CYP19A1: variants seen among roughly 807,000 people sequenced by gnomAD.
CYP19A1 encodes cytochrome P450 family 19 subfamily A member 1, also known as aromatase.
CYP19A1 carries 32 observed loss-of-function variants against 44.4 expected under a neutral mutation model. That is an observed-to-expected ratio of 0.72 (90% CI 0.54 to 0.97). The LOEUF is 0.97. Among genes scored for constraint, CYP19A1 ranks in the 50% least tolerant of loss-of-function variants. The pLI, the probability that CYP19A1 is intolerant of heterozygous loss-of-function variation, is 0.00. For missense variants in CYP19A1, 598 were observed against 637.8 expected (o/e 0.94, Z 0.67); for synonymous variants, 212 against 215.6 (o/e 0.98, Z 0.14).
intron 1 of CYP19A1, among the ~76,000 whole-genome samples, chr15:51,252,211 A>G (rs1345137205): frequency 6.6e-6 from 1 of 152,114 alleles, no homozygotes; most frequent in Non-Finnish European, 1.5e-5. Context: ...GACCCATTCT[A>G]AGGATCCAGT....
intron 1 of CYP19A1, among the ~76,000 whole-genome samples, chr15:51,302,951 C>T (rs1055195589): frequency 1.3e-5 from 2 of 152,200 alleles, no homozygotes; most frequent in Non-Finnish European, 2.9e-5. Flanking sequence ...GCAGGCATGG[C>T]TTGGGGAGGA....
At position 51,210,648 on chromosome 15, in the gene CYP19A1, A is replaced by C. The variant is rs1254026121; in HGVS notation, c.*160T>G. ...CTGGTGTGAACAGGAGCAGATGACA[A>C]ATAGCACCTAGCTTGGTGACAACCC... On this transcript the variant is annotated 3_prime_UTR_variant, in exon 10 of 10. Coordinates refer to ENST00000396402, the MANE Select transcript of CYP19A1 (RefSeq NM_000103.4). 1 of 756,156 alleles carries C rather than the reference A, an allele frequency of 1.3e-6. No individual in the cohort carries two copies. The highest frequency in any genetic ancestry group is 2.5e-5 in the East Asian group (1 of 40,450). 46.8% of individuals were successfully genotyped at this position (756,156 alleles called of 1,614,324 possible). A position where few individuals can be genotyped will look rare whatever the true frequency, so the allele number is the denominator to read the frequency against.
intron 2 of CYP19A1, among the ~76,000 whole-genome samples, chr15:51,240,827 G>C (rs903048234): frequency 6.6e-6 from 1 of 152,038 alleles, no homozygotes; most frequent in Non-Finnish European, 1.5e-5. Context: ...CCCTTCACTG[G>C]GCTTTAACCA....
intron 8 of CYP19A1, among the ~76,000 whole-genome samples, chr15:51,214,555 G>T (rs1345882640): frequency 6.6e-6 from 1 of 152,206 alleles, no homozygotes. Context: ...CAGAAACAGT[G>T]CTATAAATGA....
chr15:51,237,684 C>T (rs1404696597), intron 2 of CYP19A1, among the ~76,000 whole-genome samples: 1 of 152,138 alleles, frequency 6.6e-6, no homozygotes, highest in Non-Finnish European at 1.5e-5. Context: ...GAGTTTGAGT[C>T]CCATGATCTG....
rs992818285 is a variant in CYP19A1, at chr15:51,210,364, C to A, written c.*444G>T. 2 of 494,152 alleles carry A rather than the reference C, an allele frequency of 4.0e-6. No homozygotes were observed. Among genetic ancestry groups the A allele is most frequent in the African/African-American group, 3.9e-5 (2 of 51,620 alleles). The allele number at this position is 494,152 out of a possible 1,614,324, so 30.6% of individuals were successfully genotyped here. A position where few individuals can be genotyped will look rare whatever the true frequency, so the allele number is the denominator to read the frequency against. On this transcript the variant is annotated 3_prime_UTR_variant, in exon 10 of 10. Coordinates refer to ENST00000396402, the MANE Select transcript of CYP19A1 (RefSeq NM_000103.4). ...ATTAAAGTACTTTAATTCACACTAG[C>A]AGGTGGGTTTGGCCCCAGGTACCCT...
chr15:51,332,970 T>C (rs1015223610), intron 1 of CYP19A1, among the ~76,000 whole-genome samples: 2 of 152,238 alleles, frequency 1.3e-5, no homozygotes, highest in Non-Finnish European at 2.9e-5. Context: ...AACCTTCCAA[T>C]AGGCAGACTC....
chr15:51,279,204 T>C (rs2035431058), intron 1 of CYP19A1: 1 of 152,204 alleles, frequency 6.6e-6, no homozygotes, highest in African/African-American at 2.4e-5. Flanking sequence ...AAAGAGTACC[T>C]AGTGATTTAA....
chr15:51,311,340 C>A (rs1360993919), intron 1 of CYP19A1, among the ~76,000 whole-genome samples: 2 of 152,274 alleles, frequency 1.3e-5, no homozygotes, highest in Admixed American at 6.5e-5. Flanking sequence ...GAAATAAATT[C>A]ACTGGATGGG....
At chr15:51,278,064 A>G (rs1262245553) in intron 1 of CYP19A1, 1 of 150,194 alleles carries the variant, frequency 6.7e-6, no homozygotes, top group Admixed American at 6.7e-5. Flanking sequence ...AGTTTTGCTA[A>G]TGATGCGCGG....
intron 1 of CYP19A1, among the ~76,000 whole-genome samples, chr15:51,330,646 G>A (rs1235798427): frequency 6.6e-6 from 1 of 152,146 alleles, no homozygotes; most frequent in African/African-American, 2.4e-5. Flanking sequence ...TCAACAGAGT[G>A]AGGATGTAGG....
chr15:51,217,669 T>C (rs2031702860), intron 6 of CYP19A1, among the ~76,000 whole-genome samples: 1 of 152,198 alleles, frequency 6.6e-6, no homozygotes, highest in African/African-American at 2.4e-5. Flanking sequence ...CTGAGGAAGA[T>C]ATGAACACAG....
At chr15:51,300,192 A>C in intron 1 of CYP19A1, among the ~76,000 whole-genome samples, 1 of 152,186 alleles carries the variant, frequency 6.6e-6, no homozygotes, top group East Asian at 1.9e-4. Context: ...GAAATCCATT[A>C]AAAGGGTTTT....
chr15:51,266,367 T>C (rs930163684), intron 1 of CYP19A1, among the ~76,000 whole-genome samples: 1 of 152,230 alleles, frequency 6.6e-6, no homozygotes. Flanking sequence ...CCAGGCCACC[T>C]GTCTCTCATT....
At chr15:51,249,093 C>G (rs1241444748) in intron 1 of CYP19A1, among the ~76,000 whole-genome samples, 1 of 152,050 alleles carries the variant, frequency 6.6e-6, no homozygotes, top group African/African-American at 2.4e-5. Context: ...GCACCCACTA[C>G]CACGCCCGTC....
At chr15:51,256,137 G>T (rs574309849) in intron 1 of CYP19A1, among the ~76,000 whole-genome samples, 2 of 152,212 alleles carry the variant, frequency 1.3e-5, no homozygotes, top group African/African-American at 4.8e-5. Context: ...TGGAAGAAGC[G>T]TGTCTGTACA....
chr15:51,306,504 T>C (rs1164931040), intron 1 of CYP19A1, among the ~76,000 whole-genome samples: 1 of 152,182 alleles, frequency 6.6e-6, no homozygotes, highest in Admixed American at 6.5e-5. Context: ...TTGGAAGTTA[T>C]GTAATTTGCA....
rs1309923995 is a variant in CYP19A1 at position 51,331,367 on chromosome 15, G to A, written c.-39+7128C>T. On this transcript the variant is annotated intron_variant, in intron 1 of 9. Coordinates refer to ENST00000396402, the MANE Select transcript of CYP19A1 (RefSeq NM_000103.4). ...AAGGCTGGCTACGAAAAGGAAAGAG[G>A]AGAGGTGAAGAAGATGAGTCAGCCA... Among the ~76,000 whole-genome samples the A allele has an allele frequency of 2.0e-5, 3 of 152,172 alleles. No homozygotes were observed. The East Asian group carries it at 5.8e-4, about 29-fold the overall frequency.
At chr15:51,270,003 T>C (rs1168004681) in intron 1 of CYP19A1, among the ~76,000 whole-genome samples, 1 of 131,166 alleles carries the variant, frequency 7.6e-6, no homozygotes, top group Non-Finnish European at 1.8e-5. Context: ...CCCCAAAAAG[T>C]CTGCTGAAAT....
Sources: allele counts gnomAD v4.1 joint callset (sites outside exome capture counted in the v4.1 genomes callset), GRCh38; gene constraint gnomAD v4.1.1; transcripts MANE v1.5; gene names NCBI Gene and HGNC (gene_info 2026-07-23, HGNC 2026-07-21).